PBX1: variants seen among roughly 807,000 people sequenced by gnomAD.
PBX1 encodes the protein PBX homeobox 1.
A neutral mutation model predicts 53.4 loss-of-function variants in PBX1; 6 were observed. The observed-to-expected ratio is 0.11, with a 90% confidence interval of 0.06 to 0.22. The LOEUF (loss-of-function observed/expected upper bound fraction) is 0.22. PBX1 is among the 10% of genes least tolerant of loss of function. The pLI, the probability that PBX1 is intolerant of heterozygous loss-of-function variation, is 1.00. For synonymous variants in PBX1, 204 were observed against 212.3 expected, an observed-to-expected ratio of 0.96 and a Z score of 0.34; for missense variants, 251 against 551.4, an observed-to-expected ratio of 0.46 and a Z score of 5.46.
At chr1:164,692,537 A>G (rs1662552661) in intron 2 of PBX1, among the ~76,000 whole-genome samples, 1 of 152,118 alleles carries the variant, frequency 6.6e-6, no homozygotes. Context: ...AATTATAATA[A>G]TGATAACTAA....
intron 2 of PBX1, among the ~76,000 whole-genome samples, chr1:164,728,593 G>A (rs914888113): frequency 6.6e-6 from 1 of 152,116 alleles, no homozygotes; most frequent in African/African-American, 2.4e-5. Context: ...TTTAGACAAG[G>A]CCAGAATAAT....
At chr1:164,806,047 A>G (rs950899039) in intron 4 of PBX1, among the ~76,000 whole-genome samples, 1 of 152,202 alleles carries the variant, frequency 6.6e-6, no homozygotes, top group African/African-American at 2.4e-5. Context: ...ATATCCTGGT[A>G]TAATCAGGGA....
At chr1:164,829,238 A>G (rs1670629680) in intron 8 of PBX1, 1 of 152,220 alleles carries the variant, frequency 6.6e-6, no homozygotes, top group African/African-American at 2.4e-5. Context: ...AAATTTGGTG[A>G]ATGGCCATTG....
At chr1:164,751,431 C>G (rs1666209574) in intron 2 of PBX1, among the ~76,000 whole-genome samples, 1 of 151,744 alleles carries the variant, frequency 6.6e-6, no homozygotes, top group South Asian at 2.1e-4. Flanking sequence ...AATGCAGAAA[C>G]AAGAGAATCT....
chr1:164,792,841 T>TGCTG (rs1668588678), intron 3 of PBX1, 103 bp downstream of exon 3: 2 of 881,690 alleles, frequency 2.3e-6, no homozygotes, highest in Admixed American at 5.9e-5. Context: ...CTTTCCCAGG[T>TGCTG]GCTGGCATCC....
intron 2 of PBX1, among the ~76,000 whole-genome samples, chr1:164,790,780 A>G (rs1571413326): frequency 6.6e-6 from 1 of 152,230 alleles, no homozygotes. Context: ...AGCCAGGAGC[A>G]TGTGGGCACA....
At chr1:164,575,335 G>A (rs1236324615) in intron 2 of PBX1, among the ~76,000 whole-genome samples, 1 of 152,204 alleles carries the variant, frequency 6.6e-6, no homozygotes, top group Non-Finnish European at 1.5e-5. Flanking sequence ...TTACAGTGAG[G>A]ATATTTAGAA....
In PBX1 at chr1:164,799,863, C is replaced by T; in HGVS notation, c.675C>T (p.Ile225=). 6.2e-7 allele frequency: 1 copy of T among 1,612,810 alleles called. No individual in the cohort carries two copies. Among genetic ancestry groups the T allele is most frequent in the Non-Finnish European group, 8.5e-7 (1 of 1,179,030 alleles). ...LKQSTCEAVM[I]LRSRFLDARR... Reference sequence around the variant, plus strand: ...AGAGCACGTGCGAGGCGGTGATGATCCTGCGTTCCCGATTTCTGGATGCGC... The same window carrying T: ...AGAGCACGTGCGAGGCGGTGATGATTCTGCGTTCCCGATTTCTGGATGCGC... The change falls in exon 4 of 9, where the codon ATC becomes ATT. Residue 225 remains isoleucine, a synonymous_variant. Coordinates refer to ENST00000420696, the MANE Select transcript of PBX1 (RefSeq NM_002585.4).
chr1:164,576,629 C>T (rs1323512064), intron 2 of PBX1, among the ~76,000 whole-genome samples: 1 of 152,246 alleles, frequency 6.6e-6, no homozygotes, highest in Non-Finnish European at 1.5e-5. Context: ...TCAGCCGCAG[C>T]GGTCTGCTCC....
At chr1:164,805,903 T>A (rs1240361644) in intron 4 of PBX1, among the ~76,000 whole-genome samples, 1 of 152,198 alleles carries the variant, frequency 6.6e-6, no homozygotes, top group East Asian at 1.9e-4. Flanking sequence ...TGTGGACAGA[T>A]GGTGTTCTTC....
downstream of PBX1, among the ~76,000 whole-genome samples, chr1:164,853,570 G>A (rs981009277): frequency 6.6e-6 from 1 of 152,222 alleles, no homozygotes; most frequent in Admixed American, 6.5e-5. Flanking sequence ...GGAAACAGAA[G>A]TCTCCACCTC....
At chr1:164,743,919 T>C (rs887573667) in intron 2 of PBX1, among the ~76,000 whole-genome samples, 1 of 152,184 alleles carries the variant, frequency 6.6e-6, no homozygotes, top group Non-Finnish European at 1.5e-5. Flanking sequence ...CGAGGGAGGC[T>C]AAGAAATGTA....
chr1:164,769,035 A>G (rs900828638), intron 2 of PBX1: 1 of 152,126 alleles, frequency 6.6e-6, no homozygotes, highest in Non-Finnish European at 1.5e-5. Context: ...AGCCTGGGCA[A>G]CAGGGTGAGA....
chr1:164,739,789 GTA>G (rs1270275867), intron 2 of PBX1, among the ~76,000 whole-genome samples: 2 of 144,748 alleles, frequency 1.4e-5, no homozygotes, highest in East Asian at 2.0e-4. Flanking sequence ...GTGTGTGTGT[GTA>G]TGTATATTAT....
At chr1:164,685,796 C>T (rs1381785114) in intron 2 of PBX1, among the ~76,000 whole-genome samples, 1 of 152,220 alleles carries the variant, frequency 6.6e-6, no homozygotes, top group African/African-American at 2.4e-5. Context: ...TGGACAGGAA[C>T]TCAGACTGTA....
At chr1:164,620,713 T>TG (rs1657611934) in intron 2 of PBX1, among the ~76,000 whole-genome samples, 1 of 152,138 alleles carries the variant, frequency 6.6e-6, no homozygotes, top group Non-Finnish European at 1.5e-5. Context: ...GATGGAGTCT[T>TG]GCTCTGTCAC....
chr1:164,578,957 C>T (rs1256941387), intron 2 of PBX1, among the ~76,000 whole-genome samples: 1 of 151,950 alleles, frequency 6.6e-6, no homozygotes, highest in African/African-American at 2.4e-5. Flanking sequence ...CCTCCACGCC[C>T]TCCCCGCCCC....
At chr1:164,704,654 ACT>A (rs3033341) in intron 2 of PBX1, among the ~76,000 whole-genome samples, 34,719 of 151,942 alleles carry the variant, frequency 0.23, 4,195 homozygotes, top group East Asian at 0.45. Flanking sequence ...CACACATAGG[ACT>A]CTATGTACCA....
chr1:164,647,595 G>A (rs763435918), intron 2 of PBX1, among the ~76,000 whole-genome samples: 2 of 151,946 alleles, frequency 1.3e-5, no homozygotes, highest in African/African-American at 2.4e-5. Context: ...AAGTTGTTAC[G>A]GCAATAAAAA....
Sources: allele counts gnomAD v4.1 joint callset (sites outside exome capture counted in the v4.1 genomes callset), GRCh38; gene constraint gnomAD v4.1.1; transcripts MANE v1.5; gene names NCBI Gene and HGNC (gene_info 2026-07-23, HGNC 2026-07-21).